Variants in PARD6G observed in about 807,000 individuals in gnomAD.
PARD6G encodes the protein partitioning defective 6 homolog gamma.
In PARD6G, 7 loss-of-function variants were observed where a neutral mutation model predicts 10.7. The ratio of observed to expected loss-of-function variants is 0.66; its 90% CI spans 0.37 to 1.23. PARD6G has a LOEUF of 1.23. Ranked by LOEUF, PARD6G falls within the 50% of genes most tolerant of loss-of-function variation. The pLI, the probability that PARD6G is intolerant of heterozygous loss-of-function variation, is 0.02. For missense variants in PARD6G, 548 were observed against 571.8 expected (o/e 0.96, Z 0.42); for synonymous variants, 287 against 269.4 (o/e 1.07, Z -0.64).
In PARD6G at chr18:80,160,295, G is replaced by A; in HGVS notation, c.607C>T (p.Leu203=). The A allele has an allele frequency of 6.2e-7, 1 of 1,612,422 alleles. No homozygotes were observed. The highest frequency in any genetic ancestry group is 8.5e-7 in the Non-Finnish European group (1 of 1,179,854). Residue 203 remains leucine (L), a synonymous_variant, in exon 3 of 3, where the codon CTG becomes TTG. Transcript: ENST00000353265. ...IFISRMVPGG[L]AESTGLLAVN... ...GCCAGCAGCCCGGTGCTCTCCGCCA[G>A]GCCCCCGGGTACCATGCGCGAGATG...
intron 2 of PARD6G, among the ~76,000 whole-genome samples, chr18:80,177,687 G>A (rs1047102308): frequency 1.5e-5 from 2 of 136,886 alleles, no homozygotes; most frequent in Non-Finnish European, 3.1e-5. Context: ...ATAAATAGCC[G>A]AAATGGGAAG....
chr18:80,159,523 T>A lies in PARD6G; in HGVS notation c.*248A>T. 1 of 451,556 alleles carries A rather than the reference T, an allele frequency of 2.2e-6. No individual in the cohort carries two copies. Among genetic ancestry groups the A allele is most frequent in the Non-Finnish European group, 3.6e-6 (1 of 281,464 alleles). 28.0% of individuals were successfully genotyped at this position (451,556 alleles called of 1,614,324 possible). A position where few individuals can be genotyped will look rare whatever the true frequency, so the allele number is the denominator to read the frequency against. On this transcript the variant is annotated 3_prime_UTR_variant, in exon 3 of 3. Transcript: ENST00000353265. ...ACTTGGTCAGATCTTTTCTATCACT[T>A]TGCAAAGGCGCCAAGACCTGCACTC...
At chr18:80,168,232 C>T (rs187493720) in intron 2 of PARD6G, among the ~76,000 whole-genome samples, 3 of 152,268 alleles carry the variant, frequency 2.0e-5, no homozygotes, top group East Asian at 1.9e-4. Context: ...AAGTACTGCC[C>T]GCATGCAGCT....
chr18:80,222,479 T>C, intron 1 of PARD6G, among the ~76,000 whole-genome samples: 1 of 152,178 alleles, frequency 6.6e-6, no homozygotes, highest in East Asian at 1.9e-4. Flanking sequence ...GTATCTTCTG[T>C]AGTAGTCAGC....
rs1168008149 is a variant in PARD6G at position 80,180,528 on chromosome 18, T to C, written c.296-19922A>G. On this transcript the variant is annotated intron_variant, in intron 2 of 2. Coordinates refer to ENST00000353265, the MANE Select transcript of PARD6G (RefSeq NM_032510.4). The surrounding 1 kb of genome is among the most constrained non-coding windows in gnomAD (Gnocchi z 5.6). ...CAACCCAGCCGGTGGTCAGGGGTCC[T>C]TGCTCTCTGCCGGGCACACTGCGGC... is the stretch of plus-strand genomic sequence containing the variant. Among the ~76,000 whole-genome samples the C allele has an allele frequency of 6.6e-6, 1 of 152,012 alleles. No individual in the cohort carries two copies. The highest frequency in any genetic ancestry group is 1.5e-5 in the Non-Finnish European group (1 of 67,980).
Position 80,189,441 on chromosome 18 carries a change from T to G in PARD6G, c.295+13269A>C, listed in dbSNP as rs1299516930. The stretch of plus-strand genomic sequence containing the variant: ...GCTGAGTCCAACACAAACACAACAG[T>G]AAGCCTTTCTAGCAGAGGATGCTAG... On this transcript the variant is annotated intron_variant, in intron 2 of 2. Transcript: ENST00000353265. This position sits in a 1 kb window ranked among gnomAD's most constrained non-coding sequence, Gnocchi z 5.5. 1 of 152,304 alleles carries G rather than the reference T, an allele frequency of 6.6e-6. No individual in the cohort carries two copies. Among genetic ancestry groups the G allele is most frequent in the Admixed American group, 6.5e-5 (1 of 15,310 alleles). 9.4% of individuals were successfully genotyped at this position (152,304 alleles called of 1,614,324 possible).
intron 2 of PARD6G, 96 bp from the exon 3 acceptor site, chr18:80,160,702 C>A: frequency 1.4e-6 from 2 of 1,413,610 alleles, no homozygotes; most frequent in Admixed American, 6.4e-5. Flanking sequence ...ATCTGCGTGA[C>A]GCCGAAGCAC....
chr18:80,179,272 C>T (rs2052835069), intron 2 of PARD6G, among the ~76,000 whole-genome samples: 1 of 150,512 alleles, frequency 6.6e-6, no homozygotes, highest in Non-Finnish European at 1.5e-5. Flanking sequence ...CCTTGGTAAA[C>T]CCCCGGCGCT....
intron 2 of PARD6G, among the ~76,000 whole-genome samples, chr18:80,202,297 C>T (rs761842972): frequency 1.3e-5 from 2 of 152,044 alleles, no homozygotes; most frequent in African/African-American, 2.4e-5. Context: ...TTACTTATAG[C>T]GAAACTGGGC....
intron 2 of PARD6G, among the ~76,000 whole-genome samples, chr18:80,197,166 TCTGACGGCTTAA>T (rs1457721692): frequency 2.0e-5 from 3 of 152,334 alleles, no homozygotes; most frequent in African/African-American, 7.2e-5. Context: ...GAAATTGAAT[TCTGACGGCTTAA>T]CTGAGGGCTT....
At chr18:80,210,093 A>G (rs1967093159) in intron 1 of PARD6G, among the ~76,000 whole-genome samples, 1 of 152,212 alleles carries the variant, frequency 6.6e-6, no homozygotes, top group African/African-American at 2.4e-5. Flanking sequence ...GTAATGTTCC[A>G]TACAGCTCTT....
At chr18:80,168,573 T>TTGTGTG (rs3051500) in intron 2 of PARD6G, among the ~76,000 whole-genome samples, 3,871 of 144,372 alleles carry the variant, frequency 0.027, 68 homozygotes, top group East Asian at 0.055. Context: ...CAAATTATGT[T>TTGTGTG]TGTGTGTGTG....
chr18:80,247,410 C>CG lies in PARD6G; in HGVS notation c.-63dup. On this transcript the variant is annotated 5_prime_UTR_variant, in exon 1 of 3. Coordinates refer to ENST00000353265, the MANE Select transcript of PARD6G (RefSeq NM_032510.4). This position sits in a 1 kb window ranked among gnomAD's most constrained non-coding sequence, Gnocchi z 4.2. ...TCCTCAGGGGCCGCAGAAAGACTCC[C>CG]GGGGGCGGCGCCCCCAGGCCCCGGC... 2 of 1,382,892 alleles carry CG rather than the reference C, an allele frequency of 1.4e-6. No homozygotes were observed. The highest frequency in any genetic ancestry group is 9.7e-7 in the Non-Finnish European group (1 of 1,027,118). The allele number at this position is 1,382,892 out of a possible 1,614,324, so 85.7% of individuals were successfully genotyped here.
At chr18:80,198,644 CCT>C (rs1450178475) in intron 2 of PARD6G, among the ~76,000 whole-genome samples, 6 of 152,172 alleles carry the variant, frequency 3.9e-5, no homozygotes, top group Non-Finnish European at 7.3e-5. Context: ...GGCTTGGAGC[CCT>C]CTCAGAGAAG....
chr18:80,238,180 T>C (rs1568444961), intron 1 of PARD6G, among the ~76,000 whole-genome samples: 1 of 152,204 alleles, frequency 6.6e-6, no homozygotes. Flanking sequence ...GATGAGTTCG[T>C]GTCCTTTGTA....
At chr18:80,173,200 T>C (rs1041137483) in intron 2 of PARD6G, among the ~76,000 whole-genome samples, 5 of 152,210 alleles carry the variant, frequency 3.3e-5, no homozygotes, top group Non-Finnish European at 7.3e-5. Context: ...CCCAACATCA[T>C]GAGCATGTGA....
At chr18:80,227,581 G>A (rs1365791585) in intron 1 of PARD6G, among the ~76,000 whole-genome samples, 1 of 152,244 alleles carries the variant, frequency 6.6e-6, no homozygotes, top group East Asian at 1.9e-4. Context: ...GACTCAAGAA[G>A]GAAGCACTGA....
Position 80,188,924 on chromosome 18 carries a change from G to A in PARD6G, c.295+13786C>T, listed in dbSNP as rs148083100. On this transcript the variant is annotated intron_variant, in intron 2 of 2. Coordinates refer to ENST00000353265, the MANE Select transcript of PARD6G (RefSeq NM_032510.4). This position sits in a 1 kb window ranked among gnomAD's most constrained non-coding sequence, Gnocchi z 5.4. ...GCATCTGAACACAAGAGTGACCTGG[G>A]GGGTGAATGCAGACATGGGAAGAGT... is the stretch of plus-strand genomic sequence containing the variant. Among the ~76,000 whole-genome samples, 235 of 152,314 alleles carry A rather than the reference G, an allele frequency of 1.5e-3. 1 individual carries two copies. The highest frequency in any genetic ancestry group is 5.3e-3 in the African/African-American group (221 of 41,572).
Position 80,200,258 on chromosome 18 carries a change from T to C in PARD6G, c.295+2452A>G, listed in dbSNP as rs1301173713. 6.6e-6 allele frequency among the ~76,000 whole-genome samples: 1 copy of C among 152,018 alleles called. No homozygotes were observed. The highest frequency in any genetic ancestry group is 1.5e-5 in the Non-Finnish European group (1 of 68,014). On this transcript the variant is annotated intron_variant, in intron 2 of 2. Transcript: ENST00000353265. This position sits in a 1 kb window ranked among gnomAD's most constrained non-coding sequence, Gnocchi z 4.4. ...ACAGATTATGAAACATCAGCACAGA[T>C]TACTATGCAGGGAGGGTGCCTGACT...
Sources: gnomAD v4.1 joint callset for allele counts (sites outside exome capture counted in the v4.1 genomes callset) on GRCh38, gnomAD v4.1.1 for gene constraint, Gnocchi (gnomAD v3.1) non-coding constraint, MANE v1.5 for transcripts, NCBI Gene and HGNC (gene_info 2026-07-23, HGNC 2026-07-21) for gene names.